MLIP: variants seen among roughly 807,000 people sequenced by gnomAD.
MLIP encodes muscular LMNA interacting protein.
In MLIP, 79 loss-of-function variants were observed where a neutral mutation model predicts 84.8. The observed-to-expected ratio is 0.93, with a 90% CI of 0.78 to 1.12. The LOEUF (loss-of-function observed/expected upper bound fraction) is 1.12, where lower values mean the gene tolerates loss of function less well. Ranked by LOEUF, MLIP falls within the 50% of genes most tolerant of loss-of-function variation. MLIP has a pLI of 0.00. For synonymous variants in MLIP, 504 were observed against 463.0 expected, an observed-to-expected ratio of 1.09 and a Z score of -1.14; for missense variants, 1,257 against 1,160.6, an observed-to-expected ratio of 1.08 and a Z score of -1.21.
At chr6:54,041,286 T>C (rs1764727835) in intron 1 of MLIP, among the ~76,000 whole-genome samples, 1 of 152,090 alleles carries the variant, frequency 6.6e-6, no homozygotes, top group African/African-American at 2.4e-5. Flanking sequence ...TAGTATTGCA[T>C]TGTATCGGTG....
intron 12 of MLIP, among the ~76,000 whole-genome samples, chr6:54,248,590 G>A (rs569961692): frequency 2.6e-5 from 4 of 152,214 alleles, no homozygotes; most frequent in African/African-American, 7.2e-5. Flanking sequence ...ATACAATAAT[G>A]AGCAGACAAA....
intron 3 of MLIP, among the ~76,000 whole-genome samples, chr6:54,133,262 A>G (rs1771532525): frequency 6.6e-6 from 1 of 152,198 alleles, no homozygotes; most frequent in South Asian, 2.1e-4. Flanking sequence ...ATAGGCTGCA[A>G]CTACAAGTAA....
Position 54,121,561 on chromosome 6 carries a change from C to G in MLIP, c.211C>G (p.Pro71Ala). ...CACCTCTAAATTCCTTGTTAAAATTCCAGAAGAATCAAGTGATAAGAGTCC... is the reference window on the plus strand; with the variant it reads ...CACCTCTAAATTCCTTGTTAAAATTGCAGAAGAATCAAGTGATAAGAGTCC... Reference protein sequence around the residue: ...ADTSKFLVKIPEESSDKSPET... With the variant: ...ADTSKFLVKIAEESSDKSPET... The change falls in exon 2 of 14, where the codon CCA (proline) becomes GCA (alanine). Residue 71 changes from proline (P) to alanine (A), a missense_variant. Pro to Ala is a conservative substitution (Grantham distance 27). Transcript: ENST00000502396. 6.2e-7 allele frequency: 1 copy of G among 1,613,500 alleles called. No homozygotes were observed. Among genetic ancestry groups the G allele is most frequent in the Non-Finnish European group, 8.5e-7 (1 of 1,179,618 alleles).
intron 1 of MLIP, among the ~76,000 whole-genome samples, chr6:54,042,868 CCAT>C (rs1764825638): frequency 1.3e-5 from 2 of 152,136 alleles, no homozygotes; most frequent in Admixed American, 1.3e-4. Context: ...ACTGCAACCA[CCAT>C]CATTATCATC....
chr6:54,165,436 A>G (rs1293840513), intron 8 of MLIP, among the ~76,000 whole-genome samples: 1 of 151,944 alleles, frequency 6.6e-6, no homozygotes. Flanking sequence ...CTGAAGGACC[A>G]CTTTGATATT....
At chr6:54,019,318 T>A (rs556682880) in intron 1 of MLIP, among the ~76,000 whole-genome samples, 2 of 152,302 alleles carry the variant, frequency 1.3e-5, no homozygotes, top group South Asian at 4.1e-4. Context: ...AGTTAAATGA[T>A]GTGGTTTATC....
rs780041375 is a variant in MLIP, at chr6:54,230,901, A to T, written c.2906A>T (p.His969Leu). 6.2e-7 allele frequency: 1 copy of T among 1,613,902 alleles called. No individual in the cohort carries two copies. Among genetic ancestry groups the T allele is most frequent in the African/African-American group, 1.3e-5 (1 of 74,886 alleles). ...EQENSHTLLS[H>L]NACNKLSHPM... ...GAGAATTCTCACACCCTCCTCAGTC[A>T]CAACGCATGCAACAAGGTGAGAACT... is the stretch of plus-strand genomic sequence containing the variant. The change falls in exon 12 of 14, where the codon CAC (histidine) becomes CTC (leucine). Residue 969 changes from histidine (H) to leucine (L), a missense_variant. Transcript: ENST00000502396.
In MLIP at chr6:54,111,503, G is replaced by A. The variant is rs1222442252; in HGVS notation, c.24G>A (p.Leu8=). 4 of 1,536,036 alleles carry A rather than the reference G, an allele frequency of 2.6e-6. No homozygotes were observed. Among genetic ancestry groups the A allele is most frequent in the Non-Finnish European group, 3.5e-6 (4 of 1,146,868 alleles). The stretch of plus-strand genomic sequence containing the variant: ...CAATGCTTTCAGAACAGGGGCTTCT[G>A]AGTGACTGCGGGAACAATTACTTCC... MLSEQGL[L]SDCGNNYFQM... Residue 8 remains leucine (L), a synonymous_variant, in exon 1 of 14, where the codon CTG becomes CTA. Transcript: ENST00000502396.
intron 13 of MLIP, among the ~76,000 whole-genome samples, chr6:54,263,538 GA>G (rs1446131338): frequency 1.3e-5 from 2 of 152,002 alleles, no homozygotes; most frequent in South Asian, 4.2e-4. Flanking sequence ...ATATTCACAA[GA>G]ACACATGTGT....
chr6:54,254,111 A>G (rs1200949422), intron 12 of MLIP, among the ~76,000 whole-genome samples: 2 of 146,590 alleles, frequency 1.4e-5, no homozygotes, highest in African/African-American at 5.2e-5. Flanking sequence ...TCACCTACGT[A>G]GAACTTGTTT....
intron 1 of MLIP, among the ~76,000 whole-genome samples, chr6:54,100,469 C>A (rs953958590): frequency 1.3e-5 from 2 of 152,074 alleles, no homozygotes; most frequent in Non-Finnish European, 1.5e-5. Context: ...ATGTTTTCCT[C>A]ATATTTTCTA....
In MLIP at chr6:54,138,261, C is replaced by T; in HGVS notation, c.2192C>T (p.Thr731Ile). 1 of 1,534,978 alleles carries T rather than the reference C, an allele frequency of 6.5e-7. No homozygotes were observed. Among genetic ancestry groups the T allele is most frequent in the Non-Finnish European group, 8.7e-7 (1 of 1,145,940 alleles). ...TCACCTTGTGCATTGTCCATGTCAA[C>T]AGGCCCAGAAAATAAGAAATCAAAG... ...LISPCALSMS[T>I]GPENKKSKQY... Residue 731 changes from threonine (T) to isoleucine (I), a missense_variant, in exon 4 of 14, where the codon ACA becomes ATA. Physicochemically the swap from Thr to Ile is moderately conservative, Grantham distance 89. Transcript: ENST00000502396.
chr6:54,210,334 A>C (rs1219531231), intron 11 of MLIP, among the ~76,000 whole-genome samples: 1 of 151,824 alleles, frequency 6.6e-6, no homozygotes, highest in Non-Finnish European at 1.5e-5. Flanking sequence ...TTATGGCATG[A>C]ACCATGTAAC....
intron 8 of MLIP, among the ~76,000 whole-genome samples, chr6:54,166,459 C>A (rs1223453576): frequency 2.6e-5 from 4 of 151,882 alleles, no homozygotes; most frequent in Non-Finnish European, 5.9e-5. Flanking sequence ...TGCAATAAAC[C>A]CAGTCCTGAG....
intron 12 of MLIP, among the ~76,000 whole-genome samples, chr6:54,236,387 G>C (rs1781362514): frequency 6.6e-6 from 1 of 152,188 alleles, no homozygotes; most frequent in African/African-American, 2.4e-5. Flanking sequence ...GATCACCTGA[G>C]GTCAGGAGTT....
At chr6:54,098,077 G>A (rs1272451265) in intron 1 of MLIP, among the ~76,000 whole-genome samples, 5 of 151,592 alleles carry the variant, frequency 3.3e-5, no homozygotes, top group Non-Finnish European at 7.4e-5. Flanking sequence ...AGAGAAGAGA[G>A]TCATGGAGGA....
chr6:54,213,087 A>T lies in MLIP; in HGVS notation c.2718+10854A>T, dbSNP rs151335158. Among the ~76,000 whole-genome samples the T allele has an allele frequency of 7.9e-3, 1,199 of 152,350 alleles. 13 individuals carry two copies. The highest frequency in any genetic ancestry group is 0.016 in the Admixed American group (248 of 15,310). ...ACACCATATTTCATTCATGTGTTTCATAATTATAAAAGACTCTGGGTTAAT... is the reference window on the plus strand; with the variant it reads ...ACACCATATTTCATTCATGTGTTTCTTAATTATAAAAGACTCTGGGTTAAT... On this transcript the variant is annotated intron_variant, in intron 11 of 13. Coordinates refer to ENST00000502396, the MANE Select transcript of MLIP (RefSeq NM_001281747.2).
intron 13 of MLIP, among the ~76,000 whole-genome samples, chr6:54,258,377 G>C (rs1453008425): frequency 6.6e-6 from 1 of 152,072 alleles, no homozygotes; most frequent in Admixed American, 6.6e-5. Context: ...CATAGTATAA[G>C]ACTGATGTGG....
rs188079800 is a variant in MLIP, at chr6:54,050,977, C to T, written c.63+31886C>T. On this transcript the variant is annotated intron_variant, in intron 1 of 12. Coordinates refer to the MLIP transcript ENST00000274897. ...TTACTGCATCTGGAATGTCTTTGTCCTACAGACGTTTCCAATGCAGGCTTT... is the reference window on the plus strand; with the variant it reads ...TTACTGCATCTGGAATGTCTTTGTCTTACAGACGTTTCCAATGCAGGCTTT... Among the ~76,000 whole-genome samples, 21 of 152,212 alleles carry T rather than the reference C, an allele frequency of 1.4e-4. No individual in the cohort carries two copies. The East Asian group carries it at 2.1e-3, about 15-fold the overall frequency.
Sources: gnomAD v4.1 joint callset for allele counts (sites outside exome capture counted in the v4.1 genomes callset) on GRCh38, gnomAD v4.1.1 for gene constraint, MANE v1.5 for transcripts, NCBI Gene and HGNC (gene_info 2026-07-23, HGNC 2026-07-21) for gene names.